CCDC102B: variants seen among roughly 807,000 people sequenced by gnomAD.
CCDC102B encodes coiled-coil domain-containing protein 102B.
Under a neutral mutation model 57.4 loss-of-function variants are expected in CCDC102B, and 75 were observed. That is an observed-to-expected ratio of 1.31 (90% CI 1.08 to 1.58). The LOEUF (loss-of-function observed/expected upper bound fraction) is 1.58, where lower values mean the gene tolerates loss of function less well. CCDC102B is among the 40% of genes most tolerant of loss of function. The pLI, the probability that CCDC102B is intolerant of heterozygous loss-of-function variation, is 0.00. For missense variants in CCDC102B, 636 were observed against 582.6 expected (o/e 1.09, Z -0.94); for synonymous variants, 206 against 201.9 (o/e 1.02, Z -0.17).
rs187172708 is a variant in CCDC102B, at chr18:68,870,876, G to T, written c.937-3793G>T. Among the ~76,000 whole-genome samples the T allele has an allele frequency of 5.1e-4, 78 of 152,252 alleles. 1 individual carries two copies. The highest frequency in any genetic ancestry group is 1.8e-3 in the African/African-American group (73 of 41,542). ...AAATGTGAGGCAAAATGACGATAGGGTGTGTTACTTTTTTGCCTTTTTGTA... is the reference window on the plus strand; with the variant it reads ...AAATGTGAGGCAAAATGACGATAGGTTGTGTTACTTTTTTGCCTTTTTGTA... On this transcript the variant is annotated intron_variant, in intron 4 of 7. Transcript: ENST00000360242.
chr18:68,961,065 A>G (rs906197974), intron 6 of CCDC102B, among the ~76,000 whole-genome samples: 19 of 152,160 alleles, frequency 1.2e-4, no homozygotes, highest in Admixed American at 1.2e-3. Context: ...TCTTTGCCCC[A>G]GAAAACTATG....
In CCDC102B at chr18:68,740,698, C is replaced by T. The variant is rs113398573; in HGVS notation, c.-67+24104C>T. The stretch of plus-strand genomic sequence containing the variant: ...TAACCCAGTGCTGCCTCGGACGGGA[C>T]GGGTACATCTGTCTACAACTGCCTC... On this transcript the variant is annotated intron_variant, in intron 2 of 3. Coordinates refer to the CCDC102B transcript ENST00000578970. Among the ~76,000 whole-genome samples, 836 of 152,216 alleles carry T rather than the reference C, an allele frequency of 5.5e-3. 9 individuals are homozygous for T. The highest frequency in any genetic ancestry group is 0.019 in the African/African-American group (789 of 41,512).
At chr18:68,866,716 A>G (rs1484361884) in intron 4 of CCDC102B, 2 of 538,762 alleles carry the variant, frequency 3.7e-6, no homozygotes, top group African/African-American at 1.9e-5. Flanking sequence ...TCTCATGACG[A>G]TGTCCATTTG....
At chr18:68,845,834 A>T (rs1172868276) in intron 3 of CCDC102B, among the ~76,000 whole-genome samples, 1 of 151,862 alleles carries the variant, frequency 6.6e-6, no homozygotes, top group Non-Finnish European at 1.5e-5. Flanking sequence ...TGAAATATTT[A>T]AAATTATTTT....
At chr18:68,729,546 C>A (rs905107665) in intron 2 of CCDC102B, among the ~76,000 whole-genome samples, 1 of 152,142 alleles carries the variant, frequency 6.6e-6, no homozygotes, top group African/African-American at 2.4e-5. Flanking sequence ...TGATATATCA[C>A]GTTGGAGAAA....
At position 68,753,082 on chromosome 18, in the gene CCDC102B, A is replaced by G. The variant is rs189400085; in HGVS notation, c.-67+36488A>G. The G allele has an allele frequency of 3.4e-3, 515 of 152,254 alleles. 1 individual carries two copies. Among genetic ancestry groups the G allele is most frequent in the African/African-American group, 0.012 (496 of 41,546 alleles). 9.4% of individuals were successfully genotyped at this position (152,254 alleles called of 1,614,324 possible). A position where few individuals can be genotyped will look rare whatever the true frequency, so the allele number is the denominator to read the frequency against. Reference sequence around the variant, plus strand: ...AACTTATTCAACTCTGATTTCTAAAATAATATTGTCTAGTATGTTTATCTT... The same window carrying G: ...AACTTATTCAACTCTGATTTCTAAAGTAATATTGTCTAGTATGTTTATCTT... On this transcript the variant is annotated intron_variant, in intron 2 of 3. Coordinates refer to the CCDC102B transcript ENST00000578970.
At chr18:69,009,600 C>CT (rs2051445666) in intron 6 of CCDC102B, among the ~76,000 whole-genome samples, 1 of 151,972 alleles carries the variant, frequency 6.6e-6, no homozygotes, top group Admixed American at 6.6e-5. Flanking sequence ...AAAACTTCCC[C>CT]TACGTGATGA....
chr18:69,043,036 G>C (rs140464203), intron 7 of CCDC102B, among the ~76,000 whole-genome samples: 1 of 152,084 alleles, frequency 6.6e-6, no homozygotes, highest in South Asian at 2.1e-4. Context: ...TTGATCATTC[G>C]TGGGTGTTTC....
At position 68,756,972 on chromosome 18, in the gene CCDC102B, C is replaced by T. The variant is rs190972776; in HGVS notation, c.-67+40378C>T. ...CCCAACCAATAGAGCATCCTCAGTG[C>T]TAGTGAGAACTGGGTGGTGGTCAAG... is the stretch of plus-strand genomic sequence containing the variant. On this transcript the variant is annotated intron_variant, in intron 2 of 3. Coordinates refer to the CCDC102B transcript ENST00000578970. Among the ~76,000 whole-genome samples the T allele has an allele frequency of 3.5e-3, 531 of 152,036 alleles. 1 individual carries two copies. Among genetic ancestry groups the T allele is most frequent in the African/African-American group, 0.012 (511 of 41,490 alleles).
At chr18:68,986,682 G>C (rs1599797545) in intron 6 of CCDC102B, among the ~76,000 whole-genome samples, 1 of 148,480 alleles carries the variant, frequency 6.7e-6, no homozygotes, top group African/African-American at 2.6e-5. Context: ...ACCACCAAAA[G>C]TCTCCTAGAA....
chr18:68,766,119 A>G (rs1364922009), intron 2 of CCDC102B, among the ~76,000 whole-genome samples: 1 of 152,198 alleles, frequency 6.6e-6, no homozygotes, highest in Non-Finnish European at 1.5e-5. Context: ...TGCAATGTCT[A>G]AGTTTATTCT....
intron 5 of CCDC102B, among the ~76,000 whole-genome samples, chr18:68,876,452 A>G (rs938559896): frequency 2.0e-5 from 3 of 152,172 alleles, no homozygotes; most frequent in Non-Finnish European, 4.4e-5. Context: ...ATTTACTGAC[A>G]TAGTTAAATA....
chr18:68,765,166 A>T (rs1411603287), intron 2 of CCDC102B, among the ~76,000 whole-genome samples: 1 of 150,492 alleles, frequency 6.6e-6, no homozygotes, highest in Non-Finnish European at 1.5e-5. Flanking sequence ...TGAGGCTGCA[A>T]TAAGCTATAA....
chr18:68,807,494 A>G (rs1212124247), intron 1 of CCDC102B, among the ~76,000 whole-genome samples: 2 of 152,112 alleles, frequency 1.3e-5, no homozygotes, highest in African/African-American at 4.8e-5. Flanking sequence ...TGAAGACAAT[A>G]ATTACATGAT....
chr18:68,785,784 T>C (rs1225326603), intron 2 of CCDC102B, among the ~76,000 whole-genome samples: 2 of 151,604 alleles, frequency 1.3e-5, no homozygotes, highest in East Asian at 3.9e-4. Context: ...AGGTTGCCTG[T>C]TCACTCTGAT....
intron 1 of CCDC102B, among the ~76,000 whole-genome samples, chr18:68,828,322 CAAAAAAAAAA>C (rs58180806): frequency 7.4e-5 from 6 of 80,802 alleles, no homozygotes; most frequent in Admixed American, 1.7e-4. Context: ...ACCCTATTTA[CAAAAAAAAAA>C]AAAAAAAAAA....
intron 6 of CCDC102B, among the ~76,000 whole-genome samples, chr18:68,911,528 G>A (rs905753856): frequency 8.0e-5 from 12 of 150,138 alleles, no homozygotes; most frequent in East Asian, 2.1e-4. Context: ...CGAGGCGGGC[G>A]GATCACGAGG....
At chr18:68,961,974 A>C (rs902017669) in intron 6 of CCDC102B, among the ~76,000 whole-genome samples, 1 of 151,990 alleles carries the variant, frequency 6.6e-6, no homozygotes, top group East Asian at 1.9e-4. Context: ...TATTATTTTT[A>C]TATATTGAAC....
chr18:68,980,179 T>C (rs2050540974), intron 6 of CCDC102B, among the ~76,000 whole-genome samples: 1 of 151,898 alleles, frequency 6.6e-6, no homozygotes, highest in South Asian at 2.1e-4. Flanking sequence ...AGTAGAACCC[T>C]TGTGAGTTCT....
Sources: gnomAD v4.1 joint callset for allele counts (sites outside exome capture counted in the v4.1 genomes callset) on GRCh38, gnomAD v4.1.1 for gene constraint, MANE v1.5 for transcripts, NCBI Gene and HGNC (gene_info 2026-07-23, HGNC 2026-07-21) for gene names.